Variants in CFHR4 observed in about 807,000 individuals in gnomAD.
CFHR4 encodes the protein complement factor H-related protein 4.
Under a neutral mutation model 69.3 loss-of-function variants are expected in CFHR4, and 64 were observed. The ratio of observed to expected loss-of-function variants is 0.92; its 90% CI spans 0.76 to 1.14. The LOEUF (loss-of-function observed/expected upper bound fraction) is 1.14. CFHR4 is among the 50% of genes most tolerant of loss of function. CFHR4 has a pLI of 0.00. For synonymous variants in CFHR4, 244 were observed against 237.0 expected, an observed-to-expected ratio of 1.03 and a Z score of -0.27; for missense variants, 636 against 684.9, an observed-to-expected ratio of 0.93 and a Z score of 0.80.
intron 5 of CFHR4, among the ~76,000 whole-genome samples, chr1:196,909,440 G>A (rs1044093554): frequency 6.6e-6 from 1 of 151,512 alleles, no homozygotes; most frequent in African/African-American, 2.4e-5. Context: ...AATATGTTTG[G>A]AGAAGTATGT....
At chr1:196,893,982 C>T (rs1460986668) in intron 1 of CFHR4, among the ~76,000 whole-genome samples, 2 of 151,466 alleles carry the variant, frequency 1.3e-5, no homozygotes, top group Non-Finnish European at 2.9e-5. Context: ...GAAGATAACA[C>T]AAAAATTTCT....
chr1:196,895,083 G>T (rs1327412011), intron 1 of CFHR4, among the ~76,000 whole-genome samples: 1 of 151,010 alleles, frequency 6.6e-6, no homozygotes, highest in African/African-American at 2.4e-5. Flanking sequence ...AAAGAAAAAA[G>T]TTAGCCTGAT....
chr1:196,917,469 A>G lies in CFHR4; in HGVS notation c.1541-741A>G, dbSNP rs769144016. Among the ~76,000 whole-genome samples the G allele has an allele frequency of 6.6e-5, 10 of 151,666 alleles. 1 individual carries two copies. Among genetic ancestry groups the G allele is most frequent in the South Asian group, 6.2e-4 (3 of 4,814 alleles). ...AAAAGAATTTTATAAAAGAAAACCC[A>G]TATGTGGAAGTAACATTATCTTACT... On this transcript the variant is annotated intron_variant, in intron 9 of 9. Transcript: ENST00000608469.
intron 1 of CFHR4, among the ~76,000 whole-genome samples, chr1:196,900,972 A>G (rs748751945): frequency 6.6e-6 from 1 of 151,554 alleles, no homozygotes; most frequent in Non-Finnish European, 1.5e-5. Context: ...CAAAGTTATA[A>G]TCGGCATAAC....
intron 9 of CFHR4, among the ~76,000 whole-genome samples, chr1:196,915,993 A>G (rs1258065955): frequency 1.3e-5 from 2 of 151,610 alleles, no homozygotes; most frequent in African/African-American, 2.4e-5. Context: ...TCTTACTTAT[A>G]TTTTATCAGT....
At chr1:196,905,512 C>G (rs778965640) in intron 3 of CFHR4, among the ~76,000 whole-genome samples, 2 of 151,422 alleles carry the variant, frequency 1.3e-5, no homozygotes, top group East Asian at 3.9e-4. Context: ...TTCAATTTGC[C>G]TTTACGTAAA....
chr1:196,902,084 G>A (rs1024319348), intron 1 of CFHR4, among the ~76,000 whole-genome samples: 1 of 151,480 alleles, frequency 6.6e-6, no homozygotes, highest in Non-Finnish European at 1.5e-5. Flanking sequence ...TCTGATTTCT[G>A]ATGGGATGGA....
chr1:196,900,311 G>T (rs561339160), intron 1 of CFHR4, among the ~76,000 whole-genome samples: 1 of 108,358 alleles, frequency 9.2e-6, no homozygotes, highest in African/African-American at 3.5e-5. Flanking sequence ...TCAGATCATA[G>T]GTGGAATTTT....
At chr1:196,915,747 A>T (rs183454990) in intron 9 of CFHR4, among the ~76,000 whole-genome samples, 3 of 151,822 alleles carry the variant, frequency 2.0e-5, no homozygotes, top group East Asian at 1.9e-4. Flanking sequence ...TTGTTAATGG[A>T]TACAATGAGT....
chr1:196,906,382 A>G (rs1657908068), intron 3 of CFHR4, among the ~76,000 whole-genome samples: 1 of 151,558 alleles, frequency 6.6e-6, no homozygotes, highest in South Asian at 2.1e-4. Flanking sequence ...GCTTTGATAA[A>G]TGATCTAAGA....
intron 3 of CFHR4, among the ~76,000 whole-genome samples, chr1:196,905,518 G>A (rs1657862309): frequency 6.6e-6 from 1 of 151,362 alleles, no homozygotes; most frequent in African/African-American, 2.4e-5. Context: ...TTGCCTTTAC[G>A]TAAAAGCAAT....
rs182011703 is a variant in CFHR4 at position 196,910,857 on chromosome 1, T to C, written c.997+379T>C. Among the ~76,000 whole-genome samples the C allele has an allele frequency of 3.3e-3, 494 of 151,646 alleles. 16 individuals are homozygous for C. Among genetic ancestry groups the C allele is most frequent in the African/African-American group, 0.011 (461 of 41,188 alleles). On this transcript the variant is annotated intron_variant, in intron 6 of 9. Coordinates refer to ENST00000608469, the MANE Select transcript of CFHR4 (RefSeq NM_001201550.3). Reference sequence around the variant, plus strand: ...TCAAAAAATTATTTTAATATACTATTTTGATCAAATTCATGTTCCTAATCT... The same window carrying C: ...TCAAAAAATTATTTTAATATACTATCTTGATCAAATTCATGTTCCTAATCT...
chr1:196,909,901 C>G (rs901102425), intron 5 of CFHR4, among the ~76,000 whole-genome samples: 1 of 150,926 alleles, frequency 6.6e-6, no homozygotes, highest in Non-Finnish European at 1.5e-5. Flanking sequence ...CCTGTAATCC[C>G]AGGACTTTGG....
chr1:196,892,793 A>C (rs1302250862), intron 1 of CFHR4, among the ~76,000 whole-genome samples: 4 of 151,570 alleles, frequency 2.6e-5, no homozygotes, highest in Non-Finnish European at 4.4e-5. Flanking sequence ...CAGATAAATC[A>C]TTCATGAAGC....
intron 2 of CFHR4, among the ~76,000 whole-genome samples, chr1:196,904,310 T>C (rs1657781665): frequency 6.6e-6 from 1 of 151,662 alleles, no homozygotes; most frequent in South Asian, 2.1e-4. Context: ...CTCATGATTA[T>C]GACAAATGCT....
At chr1:196,894,332 A>C (rs566943170) in intron 1 of CFHR4, among the ~76,000 whole-genome samples, 5 of 151,670 alleles carry the variant, frequency 3.3e-5, no homozygotes, top group Non-Finnish European at 5.9e-5. Context: ...CAAAAAATGG[A>C]GACAAAAACC....
chr1:196,911,164 C>G (rs555698653), intron 6 of CFHR4, among the ~76,000 whole-genome samples: 1 of 151,642 alleles, frequency 6.6e-6, no homozygotes, highest in Non-Finnish European at 1.5e-5. Context: ...TTTTGTATAT[C>G]AACTCTCAAG....
At chr1:196,894,599 T>A (rs557964808) in intron 1 of CFHR4, among the ~76,000 whole-genome samples, 1 of 151,454 alleles carries the variant, frequency 6.6e-6, no homozygotes, top group African/African-American at 2.4e-5. Context: ...TGAAAGACGT[T>A]TTTTTTCTTT....
intron 3 of CFHR4, 107 bp from the exon 4 acceptor site, chr1:196,906,754 A>G: frequency 8.4e-7 from 1 of 1,186,056 alleles, no homozygotes; most frequent in South Asian, 1.7e-5. Context: ...TACTCAATTT[A>G]TTAGCACACA....
Sources: gnomAD v4.1 joint callset for allele counts (sites outside exome capture counted in the v4.1 genomes callset) on GRCh38, gnomAD v4.1.1 for gene constraint, MANE v1.5 for transcripts, NCBI Gene and HGNC (gene_info 2026-07-23, HGNC 2026-07-21) for gene names.